CCDC91: variants seen among roughly 807,000 people sequenced by gnomAD.
CCDC91 encodes coiled-coil domain containing 91.
Under a neutral mutation model 63.2 loss-of-function variants are expected in CCDC91, and 48 were observed. The ratio of observed to expected loss-of-function variants is 0.76; its 90% CI spans 0.60 to 0.97. CCDC91 has a LOEUF of 0.97. Ranked by LOEUF, CCDC91 falls within the 50% of genes least tolerant of loss-of-function variation. The probability of loss-of-function intolerance (pLI) is 0.00; values close to 1 mark genes in which losing one functional copy is unlikely to be tolerated. For synonymous variants in CCDC91, 167 were observed against 165.8 expected (o/e 1.01, Z -0.06); for missense variants, 500 against 494.6 (o/e 1.01, Z -0.10).
intron 11 of CCDC91, among the ~76,000 whole-genome samples, chr12:28,467,296 C>G (rs1950593699): frequency 6.6e-6 from 1 of 151,844 alleles, no homozygotes; most frequent in Non-Finnish European, 1.5e-5. Flanking sequence ...CAGTGGAAAC[C>G]AAAAATGAGC....
At chr12:28,263,948 C>A (rs1309523572) in intron 3 of CCDC91, among the ~76,000 whole-genome samples, 3 of 151,136 alleles carry the variant, frequency 2.0e-5, no homozygotes, top group African/African-American at 7.3e-5. Flanking sequence ...ATATATTAAT[C>A]TCAGAAATCT....
chr12:28,206,681 G>C (rs1057278303), intron 1 of CCDC91, among the ~76,000 whole-genome samples: 1 of 152,158 alleles, frequency 6.6e-6, no homozygotes, highest in African/African-American at 2.4e-5. Flanking sequence ...TCTATAGGTC[G>C]TAAGTGCCAG....
At chr12:28,426,869 T>G (rs1948346805) in intron 8 of CCDC91, among the ~76,000 whole-genome samples, 1 of 152,208 alleles carries the variant, frequency 6.6e-6, no homozygotes, top group Admixed American at 6.5e-5. Context: ...TAACTTTTTA[T>G]GATGTACTAT....
At chr12:28,200,670 A>G (rs1184977248) in intron 1 of CCDC91, among the ~76,000 whole-genome samples, 1 of 151,394 alleles carries the variant, frequency 6.6e-6, no homozygotes, top group Admixed American at 6.6e-5. Context: ...TCCCATGTCT[A>G]CCTCTTTCTA....
chr12:28,246,257 T>G (rs1945723569), intron 1 of CCDC91, among the ~76,000 whole-genome samples: 1 of 152,028 alleles, frequency 6.6e-6, no homozygotes, highest in Non-Finnish European at 1.5e-5. Context: ...GATGAAAAAA[T>G]AAATTAAGGA....
intron 11 of CCDC91, among the ~76,000 whole-genome samples, chr12:28,468,605 T>C (rs1950654774): frequency 2.0e-5 from 3 of 151,890 alleles, no homozygotes; most frequent in African/African-American, 7.2e-5. Context: ...AGGCCAGTAT[T>C]ACCCAATATC....
intron 3 of CCDC91, among the ~76,000 whole-genome samples, chr12:28,295,681 A>G (rs1452135078): frequency 6.6e-6 from 1 of 152,142 alleles, no homozygotes; most frequent in East Asian, 1.9e-4. Context: ...AATGAGTCCA[A>G]TAAAGAACAC....
chr12:28,462,778 G>A (rs1950369155), intron 11 of CCDC91, among the ~76,000 whole-genome samples: 1 of 152,064 alleles, frequency 6.6e-6, no homozygotes, highest in South Asian at 2.1e-4. Flanking sequence ...ATAATTTTGA[G>A]CTACAGAGTG....
At chr12:28,237,979 A>AT (rs954395284) in intron 1 of CCDC91, among the ~76,000 whole-genome samples, 1 of 152,092 alleles carries the variant, frequency 6.6e-6, no homozygotes, top group African/African-American at 2.4e-5. Flanking sequence ...TTACTAATTA[A>AT]TTCTTAATTT....
chr12:28,529,243 C>A lies in CCDC91; in HGVS notation c.1216-19820C>A, dbSNP rs1941537656. 2.0e-5 allele frequency among the ~76,000 whole-genome samples: 3 copies of A among 152,052 alleles called. No homozygotes were observed. In the South Asian group the frequency reaches 6.2e-4, roughly 32 times the overall value. On this transcript the variant is annotated intron_variant, in intron 12 of 12. Transcript: ENST00000536442. The stretch of plus-strand genomic sequence containing the variant: ...ATGTCTAGTGTTTTGCTGTTTTTCT[C>A]TTAAATTTTAAAAGTTTATTCAGAA...
chr12:28,525,988 A>G (rs568636283), intron 12 of CCDC91, among the ~76,000 whole-genome samples: 77 of 151,996 alleles, frequency 5.1e-4, no homozygotes, highest in African/African-American at 1.9e-3. Context: ...GTGAGTCCAT[A>G]TGTGTTAGGT....
intron 8 of CCDC91, among the ~76,000 whole-genome samples, chr12:28,445,415 A>G (rs1045969180): frequency 9.9e-5 from 15 of 152,220 alleles, no homozygotes; most frequent in African/African-American, 3.6e-4. Flanking sequence ...ATGAAAGGAG[A>G]TAACAGGTGT....
chr12:28,501,189 A>C (rs1374812189), intron 12 of CCDC91, among the ~76,000 whole-genome samples: 20 of 151,870 alleles, frequency 1.3e-4, no homozygotes, highest in Admixed American at 1.2e-3. Flanking sequence ...CTAATTGAAT[A>C]CCCTTTATTT....
At chr12:28,443,822 AAAAT>A (rs768319870) in intron 8 of CCDC91, among the ~76,000 whole-genome samples, 64 of 152,192 alleles carry the variant, frequency 4.2e-4, no homozygotes, top group Non-Finnish European at 8.1e-4. Flanking sequence ...AACGAAATGG[AAAAT>A]AAATACAAAG....
intron 1 of CCDC91, among the ~76,000 whole-genome samples, chr12:28,237,268 T>TCACACACACACG (rs1945023187): frequency 5.6e-5 from 1 of 17,700 alleles, no homozygotes. Flanking sequence ...ACACACACAT[T>TCACACACACACG]TTTTAAAAAA....
rs533698251 is a variant in CCDC91, at chr12:28,385,759, G to T, written c.655-5545G>T. Among the ~76,000 whole-genome samples the T allele has an allele frequency of 2.6e-5, 4 of 152,264 alleles. No homozygotes were observed. In the South Asian group the frequency reaches 8.3e-4, roughly 32 times the overall value. ...ATTTAATTTGATGAGGCTGGAATCA[G>T]ATCTGAAACAATGGGGCTATTTCAA... On this transcript the variant is annotated intron_variant, in intron 7 of 12. Coordinates refer to ENST00000536442, the MANE Select transcript of CCDC91 (RefSeq NM_018318.5).
intron 3 of CCDC91, among the ~76,000 whole-genome samples, chr12:28,289,728 G>A (rs1949119567): frequency 1.7e-5 from 2 of 116,160 alleles, no homozygotes; most frequent in Non-Finnish European, 3.2e-5. Flanking sequence ...GTCTCACTCT[G>A]TTGCCCAGGC....
chr12:28,528,308 G>T (rs1941448775), intron 12 of CCDC91, among the ~76,000 whole-genome samples: 1 of 152,110 alleles, frequency 6.6e-6, no homozygotes, highest in Non-Finnish European at 1.5e-5. Flanking sequence ...TTTGCATGTT[G>T]CTTCCTCTAC....
At chr12:28,340,391 G>A (rs544485088) in intron 6 of CCDC91, among the ~76,000 whole-genome samples, 5 of 152,292 alleles carry the variant, frequency 3.3e-5, no homozygotes, top group East Asian at 1.9e-4. Flanking sequence ...ATTCATGAGA[G>A]AATGAGAGTG....
Sources: gnomAD v4.1 joint callset for allele counts (sites outside exome capture counted in the v4.1 genomes callset) on GRCh38, gnomAD v4.1.1 for gene constraint, MANE v1.5 for transcripts, NCBI Gene and HGNC (gene_info 2026-07-23, HGNC 2026-07-21) for gene names.